The following SNX21 variants were observed in gnomAD, a reference collection of about 807,000 sequenced individuals.
SNX21 encodes sorting nexin-21.
A neutral mutation model predicts 30.9 loss-of-function variants in SNX21; 36 were observed. The observed-to-expected ratio is 1.16, with a 90% CI of 0.89 to 1.54. SNX21 has a LOEUF of 1.54. Ranked by LOEUF, SNX21 falls within the 40% of genes most tolerant of loss-of-function variation. SNX21 has a pLI of 0.00. For missense variants in SNX21, 508 were observed against 516.5 expected, an observed-to-expected ratio of 0.98 and a Z score of 0.16; for synonymous variants, 218 against 222.7, an observed-to-expected ratio of 0.98 and a Z score of 0.19.
At chr20:45,839,352 A>G (rs1369772220) in intron 3 of SNX21, among the ~76,000 whole-genome samples, 1 of 151,584 alleles carries the variant, frequency 6.6e-6, no homozygotes, top group African/African-American at 2.4e-5. Flanking sequence ...CGTCTCTACT[A>G]AAAAATACAA....
At chr20:45,836,269 G>A (rs1407461390) in intron 3 of SNX21, among the ~76,000 whole-genome samples, 1 of 151,984 alleles carries the variant, frequency 6.6e-6, no homozygotes, top group Non-Finnish European at 1.5e-5. Flanking sequence ...AAGCCGAGGC[G>A]GGCGGATCAC....
In SNX21 at chr20:45,842,397, G is replaced by GT; in HGVS notation, c.*1085dup. 8.1e-7 allele frequency: 1 copy of GT among 1,237,682 alleles called. No homozygotes were observed. The highest frequency in any genetic ancestry group is 1.0e-6 in the Non-Finnish European group (1 of 985,600). 76.7% of individuals were successfully genotyped at this position (1,237,682 alleles called of 1,614,324 possible). ...AACAGCTCGGCCAAGCAGAACTGCT[G>GT]TACCTCTGACCACTTGTGTTAGGAA... On this transcript the variant is annotated 3_prime_UTR_variant, in exon 4 of 4. Coordinates refer to ENST00000491381, the MANE Select transcript of SNX21 (RefSeq NM_033421.4).
Position 45,842,472 on chromosome 20 carries a change from A to G in SNX21, c.*1159A>G. ...ATCAAGCCAGGTCCTCCAAGTGGTAATTCATGAAAAATATCCCCACTACCA... is the reference window on the plus strand; with the variant it reads ...ATCAAGCCAGGTCCTCCAAGTGGTAGTTCATGAAAAATATCCCCACTACCA... On this transcript the variant is annotated 3_prime_UTR_variant, in exon 4 of 4. Transcript: ENST00000491381. The G allele has an allele frequency of 4.8e-6, 5 of 1,035,076 alleles. No individual in the cohort carries two copies. Among genetic ancestry groups the G allele is most frequent in the Non-Finnish European group, 5.8e-6 (5 of 861,568 alleles). 64.1% of individuals were successfully genotyped at this position (1,035,076 alleles called of 1,614,324 possible). A position where few individuals can be genotyped will look rare whatever the true frequency, so the allele number is the denominator to read the frequency against.
Position 45,841,957 on chromosome 20 carries a change from C to G in SNX21, c.*644C>G. The G allele has an allele frequency of 1.2e-6, 2 of 1,613,302 alleles. No homozygotes were observed. The highest frequency in any genetic ancestry group is 1.7e-6 in the Non-Finnish European group (2 of 1,179,960). ...CCATGGACCAGCCCCCGAGAGCCAC[C>G]TGTGGGTGAGGTGAAGGGTGATGAT... On this transcript the variant is annotated 3_prime_UTR_variant, in exon 4 of 4. Coordinates refer to ENST00000491381, the MANE Select transcript of SNX21 (RefSeq NM_033421.4).
chr20:45,840,876 C>A lies in SNX21; in HGVS notation c.685C>A (p.Leu229Met), dbSNP rs1253075885. 3 of 1,613,504 alleles carry A rather than the reference C, an allele frequency of 1.9e-6. No individual in the cohort carries two copies. The highest frequency in any genetic ancestry group is 2.5e-6 in the Non-Finnish European group (3 of 1,180,040). Reference sequence around the variant, plus strand: ...GGGTCACCTGCAGGCAGTGCCTGAGCTGCGCCATGCCCCGGACCTGCAGGA... The same window carrying A: ...GGGTCACCTGCAGGCAGTGCCTGAGATGCGCCATGCCCCGGACCTGCAGGA... ...FLGHLQAVPE[L>M]RHAPDLQDFF... Residue 229 changes from leucine (L) to methionine (M), a missense_variant, in exon 4 of 4, where the codon CTG becomes ATG. Coordinates refer to ENST00000491381, the MANE Select transcript of SNX21 (RefSeq NM_033421.4).
chr20:45,834,260 C>CG lies in SNX21; in HGVS notation c.85dup (p.Glu29GlyfsTer55). The CG allele has an allele frequency of 6.3e-7, 1 of 1,581,502 alleles. No individual in the cohort carries two copies. Among genetic ancestry groups the CG allele is most frequent in the Non-Finnish European group, 8.5e-7 (1 of 1,170,686 alleles). ...GGCACGCCTTGGCCGGCGACGGCCC[C>CG]GGGGAGGCGGCGGCCAGTCCAGAGG... On this transcript the variant is annotated frameshift_variant, in exon 2 of 4. Transcript: ENST00000491381. LOFTEE classifies it high-confidence loss of function.
chr20:45,840,366 A>G (rs1205831618), intron 3 of SNX21: 4 of 1,613,720 alleles, frequency 2.5e-6, no homozygotes, highest in Non-Finnish European at 8.5e-7. Flanking sequence ...AGGGAGTACA[A>G]AAAAAGGGGC....
At chr20:45,836,000 C>T (rs1227823893) in intron 3 of SNX21, among the ~76,000 whole-genome samples, 1 of 152,188 alleles carries the variant, frequency 6.6e-6, no homozygotes, top group Non-Finnish European at 1.5e-5. Context: ...CTGGCCACTC[C>T]TGTCAGTGGC....
At chr20:45,837,758 T>C (rs76502845) in intron 3 of SNX21, among the ~76,000 whole-genome samples, 5,841 of 151,674 alleles carry the variant, frequency 0.039, 154 homozygotes, top group African/African-American at 0.07. Context: ...ATGAACCTAT[T>C]TTTTTTTCTT....
chr20:45,833,925 C>T lies in SNX21; in HGVS notation c.6C>T (p.His2=). ...GGGGCGCGGCGCGCCCCTGAATGCA[C>T]CGTGGGACGCAGGAGGTAGAGGCGC... The part of the protein sequence containing the change: M[H]RGTQEGAMAS... The change falls in exon 1 of 4, where the codon CAC becomes CAT. Residue 2 remains histidine (H), a synonymous_variant. Transcript: ENST00000491381. 1 of 1,429,580 alleles carries T rather than the reference C, an allele frequency of 7.0e-7. No individual in the cohort carries two copies. The highest frequency in any genetic ancestry group is 1.5e-5 in the African/African-American group (1 of 66,168). The allele number at this position is 1,429,580 out of a possible 1,614,324, so 88.6% of individuals were successfully genotyped here. A position where few individuals can be genotyped will look rare whatever the true frequency, so the allele number is the denominator to read the frequency against.
intron 3 of SNX21, among the ~76,000 whole-genome samples, chr20:45,838,766 ATAAG>A (rs539189849): frequency 5.3e-5 from 8 of 152,222 alleles, no homozygotes; most frequent in South Asian, 4.1e-4. Context: ...AATAAAGTAA[ATAAG>A]TAAGTAGTGA....
intron 2 of SNX21, 77 bp downstream of exon 2, chr20:45,834,545 A>G (rs901232207): frequency 1.0e-4 from 151 of 1,471,938 alleles, no homozygotes; most frequent in Non-Finnish European, 1.3e-4. Context: ...CAGAGCATCC[A>G]GGGCGCTAAG....
At chr20:45,837,543 C>T (rs1272170480) in intron 3 of SNX21, among the ~76,000 whole-genome samples, 1 of 152,150 alleles carries the variant, frequency 6.6e-6, no homozygotes, top group Non-Finnish European at 1.5e-5. Context: ...CCTTTAACAT[C>T]TAACACTGGT....
At chr20:45,840,356 A>AGGG (rs759365883) in intron 3 of SNX21, 2 of 1,613,256 alleles carry the variant, frequency 1.2e-6, no homozygotes, top group Non-Finnish European at 1.7e-6. Context: ...CTCTATGGGA[A>AGGG]GGGAGTACAA....
At chr20:45,834,540 C>T (rs1037129151) in intron 2 of SNX21, 72 bp downstream of exon 2, 1 of 1,478,890 alleles carries the variant, frequency 6.8e-7, no homozygotes, top group Non-Finnish European at 8.9e-7. Context: ...GTTCCCAGAG[C>T]ATCCAGGGCG....
rs752898749 is a variant in SNX21 at position 45,834,189 on chromosome 20, C to T, written c.22-12C>T. 5 of 1,484,798 alleles carry T rather than the reference C, an allele frequency of 3.4e-6. No homozygotes were observed. Among genetic ancestry groups the T allele is most frequent in the Non-Finnish European group, 4.4e-6 (5 of 1,127,122 alleles). The allele number at this position is 1,484,798 out of a possible 1,614,324, so 92.0% of individuals were successfully genotyped here. A position where few individuals can be genotyped will look rare whatever the true frequency, so the allele number is the denominator to read the frequency against. On this transcript the variant is annotated splice_polypyrimidine_tract_variant and intron_variant, in intron 1 of 3. Transcript: ENST00000491381. ...CCGGGATCCGGTACACAGCGTCGCG[C>T]GCTCCCCCCAGGGTGCCATGGCCTC...
Position 45,840,953 on chromosome 20 carries a change from C to T in SNX21, c.762C>T (p.Gly254=). The change falls in exon 4 of 4, where the codon GGC becomes GGT. Residue 254 remains glycine, a synonymous_variant. Transcript: ENST00000491381. ...GGGCACAGAGCCTCACCTGTACTGGCCTCTATCGTGAGGCTCTGGCACTCT... is the reference window on the plus strand; with the variant it reads ...GGGCACAGAGCCTCACCTGTACTGGTCTCTATCGTGAGGCTCTGGCACTCT... ...LRRAQSLTCT[G]LYREALALWA... 2 of 1,610,838 alleles carry T rather than the reference C, an allele frequency of 1.2e-6. No individual in the cohort carries two copies. The highest frequency in any genetic ancestry group is 2.7e-5 in the African/African-American group (2 of 75,036).
At chr20:45,834,820 C>A in intron 2 of SNX21, 139 bp from the exon 3 acceptor site, 2 of 1,159,898 alleles carry the variant, frequency 1.7e-6, no homozygotes, top group Non-Finnish European at 2.4e-6. Context: ...CTCCTCGGTG[C>A]CTCTCTGTCC....
intron 3 of SNX21, among the ~76,000 whole-genome samples, chr20:45,839,390 C>CCTGTAGTCCCAGCTACTCGGGAGG (rs1479684420): frequency 1.3e-5 from 2 of 152,064 alleles, no homozygotes; most frequent in East Asian, 3.9e-4. Flanking sequence ...GTGGCAGGCG[C>CCTGTAGTCCCAGCTACTCGGGAGG]CTGTAGTCCC....
Sources: gnomAD v4.1 joint callset for allele counts (sites outside exome capture counted in the v4.1 genomes callset) on GRCh38, gnomAD v4.1.1 for gene constraint, MANE v1.5 for transcripts, NCBI Gene and HGNC (gene_info 2026-07-23, HGNC 2026-07-21) for gene names.